The following TPD52 variants were observed in gnomAD, a reference collection of about 807,000 sequenced individuals.
The protein encoded by TPD52 is tumor protein D52, also known as prostate and colon associated protein.
Under a neutral mutation model 31.3 loss-of-function variants are expected in TPD52, and 17 were observed. The observed-to-expected ratio is 0.54, with a 90% CI of 0.37 to 0.82. The LOEUF is 0.82. Among genes scored for constraint, TPD52 ranks in the 40% least tolerant of loss-of-function variants. The pLI, the probability that TPD52 is intolerant of heterozygous loss-of-function variation, is 0.00. For synonymous variants in TPD52, 83 were observed against 89.6 expected (o/e 0.93, Z 0.42); for missense variants, 212 against 240.1 (o/e 0.88, Z 0.77).
At chr8:80,073,901 T>C (rs1269470126) in intron 1 of TPD52, among the ~76,000 whole-genome samples, 1 of 152,156 alleles carries the variant, frequency 6.6e-6, no homozygotes, top group Admixed American at 6.5e-5. Flanking sequence ...AGGAAAACAG[T>C]GTGCAGTCAA....
At chr8:80,154,930 A>G (rs1392373206) in intron 1 of TPD52, among the ~76,000 whole-genome samples, 1 of 151,656 alleles carries the variant, frequency 6.6e-6, no homozygotes, top group Non-Finnish European at 1.5e-5. Context: ...TGAGGCTACT[A>G]TTATAATTGT....
Position 80,153,504 on chromosome 8 carries a change from C to G in TPD52, c.19+17921G>C, listed in dbSNP as rs868651685. ...CAGGCACTTTTAAAATCAACAAAAGCAAGACTTTTTCTCTTTTCTTTTTTG... is the reference window on the plus strand; with the variant it reads ...CAGGCACTTTTAAAATCAACAAAAGGAAGACTTTTTCTCTTTTCTTTTTTG... On this transcript the variant is annotated intron_variant, in intron 1 of 7. Transcript: ENST00000518937. 2.0e-5 allele frequency among the ~76,000 whole-genome samples: 3 copies of G among 152,182 alleles called. No individual in the cohort carries two copies. In the South Asian group the frequency reaches 6.2e-4, roughly 32 times the overall value.
At position 80,080,341 on chromosome 8, in the gene TPD52, G is replaced by C. The variant is rs762093515; in HGVS notation, c.20-15748C>G. On this transcript the variant is annotated intron_variant, in intron 1 of 7. Transcript: ENST00000518937. ...AAATTTCTGAAGAGTAGGTGATCCG[G>C]GTGGAGATGAATTTCCACTAGGAGA... is the stretch of plus-strand genomic sequence containing the variant. 10 of 1,613,964 alleles carry C rather than the reference G, an allele frequency of 6.2e-6. No homozygotes were observed. Among genetic ancestry groups the C allele is most frequent in the Admixed American group, 5.0e-5 (3 of 59,998 alleles).
intron 1 of TPD52, chr8:80,170,935 G>A: frequency 2.9e-6 from 1 of 344,750 alleles, no homozygotes; most frequent in South Asian, 2.2e-5. Flanking sequence ...ACCCCCCATG[G>A]GTCATACGCC....
At chr8:80,102,298 A>AGGAGCCT (rs2130934934) in intron 1 of TPD52, among the ~76,000 whole-genome samples, 1 of 152,318 alleles carries the variant, frequency 6.6e-6, no homozygotes, top group Admixed American at 6.5e-5. Context: ...GTAGCTACTG[A>AGGAGCCT]GGAGCCTTTT....
At chr8:80,139,032 G>A (rs961038906) in intron 1 of TPD52, among the ~76,000 whole-genome samples, 13 of 152,060 alleles carry the variant, frequency 8.5e-5, no homozygotes, top group African/African-American at 2.7e-4. Context: ...GCCACCCCAT[G>A]AGTCTGCCTC....
chr8:80,148,594 T>C (rs1810367308), intron 1 of TPD52, among the ~76,000 whole-genome samples: 1 of 152,172 alleles, frequency 6.6e-6, no homozygotes, highest in South Asian at 2.1e-4. Context: ...TCTTTAACTT[T>C]CTGACAAAAG....
intron 1 of TPD52, among the ~76,000 whole-genome samples, chr8:80,086,877 C>CAAAAAAAAAAAA (rs58864911): frequency 1.2e-4 from 9 of 76,570 alleles, no homozygotes; most frequent in Non-Finnish European, 2.2e-4. Context: ...GCTGTCTCAA[C>CAAAAAAAAAAAA]AAAAAAAAAA....
intron 1 of TPD52, among the ~76,000 whole-genome samples, chr8:80,118,026 C>A (rs1349716436): frequency 6.6e-6 from 1 of 152,074 alleles, no homozygotes; most frequent in Non-Finnish European, 1.5e-5. Context: ...GCCACCGCAC[C>A]CAACCCAGAC....
chr8:80,110,765 C>T (rs1807445495), intron 1 of TPD52, among the ~76,000 whole-genome samples: 1 of 152,184 alleles, frequency 6.6e-6, no homozygotes, highest in Admixed American at 6.5e-5. Context: ...TAATCTCTAA[C>T]TAGGAACTTT....
intron 1 of TPD52, among the ~76,000 whole-genome samples, chr8:80,110,352 A>AC (rs1807417432): frequency 6.6e-6 from 1 of 151,834 alleles, no homozygotes; most frequent in Non-Finnish European, 1.5e-5. Context: ...CTGTGATTAG[A>AC]AAAAAAATGA....
chr8:80,120,452 G>A (rs1004390432), intron 1 of TPD52, among the ~76,000 whole-genome samples: 4 of 152,052 alleles, frequency 2.6e-5, no homozygotes, highest in Admixed American at 6.6e-5. Context: ...CGGCACTCCA[G>A]CCTGAGCGAC....
intron 1 of TPD52, among the ~76,000 whole-genome samples, chr8:80,124,197 ACTCT>A (rs1270743652): frequency 6.6e-6 from 1 of 150,566 alleles, no homozygotes; most frequent in Non-Finnish European, 1.5e-5. Context: ...ACAGGGTCTC[ACTCT>A]GTCATCCAGA....
At chr8:80,080,861 T>C (rs1199069777) in intron 1 of TPD52, 2 of 610,280 alleles carry the variant, frequency 3.3e-6, no homozygotes, top group Non-Finnish European at 4.1e-6. Context: ...CTACAATTTA[T>C]TTAAAATAAA....
intron 1 of TPD52, among the ~76,000 whole-genome samples, chr8:80,159,834 T>C (rs1752215452): frequency 6.6e-6 from 1 of 152,202 alleles, no homozygotes; most frequent in Admixed American, 6.5e-5. Context: ...TTTGTTTCAA[T>C]TATTTGGAAA....
intron 1 of TPD52, among the ~76,000 whole-genome samples, chr8:80,162,937 A>C (rs770669185): frequency 2.1e-4 from 29 of 135,620 alleles, no homozygotes; most frequent in Non-Finnish European, 2.8e-4. Flanking sequence ...AAACACAACA[A>C]AACAAAACAA....
intron 1 of TPD52, among the ~76,000 whole-genome samples, chr8:80,146,754 T>C (rs551965604): frequency 6.6e-6 from 1 of 152,368 alleles, no homozygotes; most frequent in Admixed American, 6.5e-5. Context: ...GGGTACACTA[T>C]GTAGCAGTTA....
At chr8:80,139,812 A>AC (rs1265808082) in intron 1 of TPD52, among the ~76,000 whole-genome samples, 1 of 152,170 alleles carries the variant, frequency 6.6e-6, no homozygotes, top group Non-Finnish European at 1.5e-5. Flanking sequence ...CCTCCTAACC[A>AC]TCTTGACAGG....
intron 1 of TPD52, among the ~76,000 whole-genome samples, chr8:80,100,995 C>T (rs1237564196): frequency 1.3e-5 from 2 of 152,188 alleles, no homozygotes; most frequent in East Asian, 1.9e-4. Flanking sequence ...TACATTTAAC[C>T]GTTACATCAT....
Sources: allele counts gnomAD v4.1 joint callset (sites outside exome capture counted in the v4.1 genomes callset), GRCh38; gene constraint gnomAD v4.1.1; transcripts MANE v1.5; gene names NCBI Gene and HGNC (gene_info 2026-07-23, HGNC 2026-07-21).